Variants in DENND1A observed in about 807,000 individuals in gnomAD.
The protein encoded by DENND1A is DENN domain containing 1A, also known as DENN domain-containing protein 1A.
A neutral mutation model predicts 113.7 loss-of-function variants in DENND1A; 51 were observed. The ratio of observed to expected loss-of-function variants is 0.45; its 90% confidence interval spans 0.36 to 0.57. DENND1A has a LOEUF of 0.57. Among genes scored for constraint, DENND1A ranks in the 20% least tolerant of loss-of-function variants. The pLI is 0.00. For synonymous variants in DENND1A, 565 were observed against 570.8 expected (o/e 0.99, Z 0.14); for missense variants, 1,258 against 1,395.9 (o/e 0.90, Z 1.57).
chr9:123,818,567 C>CATAT (rs148656992), intron 2 of DENND1A, among the ~76,000 whole-genome samples: 27 of 42,056 alleles, frequency 6.4e-4, no homozygotes, highest in African/African-American at 1.1e-3. Flanking sequence ...CACACACACA[C>CATAT]ATATATATAT....
chr9:123,647,955 A>T (rs1274218759), intron 9 of DENND1A, among the ~76,000 whole-genome samples: 1 of 152,242 alleles, frequency 6.6e-6, no homozygotes, highest in East Asian at 1.9e-4. Context: ...TGATGGGCAT[A>T]CGTAAATAGT....
chr9:123,694,964 T>C (rs2065416914), intron 5 of DENND1A, among the ~76,000 whole-genome samples: 1 of 152,186 alleles, frequency 6.6e-6, no homozygotes, highest in African/African-American at 2.4e-5. Context: ...ACCCTTAATC[T>C]GGTGGGCACC....
chr9:123,903,362 GA>G (rs1029090460), intron 1 of DENND1A, among the ~76,000 whole-genome samples: 2 of 136,542 alleles, frequency 1.5e-5, no homozygotes, highest in African/African-American at 6.3e-5. Context: ...AAAAAAACTG[GA>G]AAAAAAGAAG....
chr9:123,881,525 A>G (rs890831945), intron 1 of DENND1A, among the ~76,000 whole-genome samples: 1 of 152,232 alleles, frequency 6.6e-6, no homozygotes, highest in Non-Finnish European at 1.5e-5. Flanking sequence ...AACAGCCTTC[A>G]AAGTGTGTTC....
At chr9:123,844,434 A>G (rs1842286516) in intron 2 of DENND1A, among the ~76,000 whole-genome samples, 1 of 152,206 alleles carries the variant, frequency 6.6e-6, no homozygotes, top group Admixed American at 6.5e-5. Context: ...ACAAAGAACA[A>G]TACAAAAATG....
At chr9:123,737,765 T>C (rs1011642411) in intron 5 of DENND1A, among the ~76,000 whole-genome samples, 1 of 152,180 alleles carries the variant, frequency 6.6e-6, no homozygotes, top group Non-Finnish European at 1.5e-5. Flanking sequence ...TAAGCAATGC[T>C]CATCTTTCAA....
At chr9:123,654,447 C>A (rs2062828801) in intron 8 of DENND1A, among the ~76,000 whole-genome samples, 1 of 151,986 alleles carries the variant, frequency 6.6e-6, no homozygotes, top group Non-Finnish European at 1.5e-5. Flanking sequence ...GCTTGCCGTC[C>A]AAATAGGGAG....
At chr9:123,477,024 A>G (rs1423302194) in intron 13 of DENND1A, among the ~76,000 whole-genome samples, 2 of 152,206 alleles carry the variant, frequency 1.3e-5, no homozygotes, top group African/African-American at 4.8e-5. Context: ...CCCTTGGCAC[A>G]GGCTCTATCT....
intron 19 of DENND1A, among the ~76,000 whole-genome samples, chr9:123,432,767 C>T (rs1171598459): frequency 6.6e-6 from 1 of 152,186 alleles, no homozygotes; most frequent in Non-Finnish European, 1.5e-5. Flanking sequence ...TACCTTCTGC[C>T]CCAACCTGCC....
chr9:123,923,097 C>T (rs554699444), intron 1 of DENND1A, among the ~76,000 whole-genome samples: 155 of 152,292 alleles, frequency 1.0e-3, no homozygotes, highest in Middle Eastern at 6.8e-3. Flanking sequence ...AAAGGCTGGA[C>T]CTTTGCAACT....
intron 5 of DENND1A, among the ~76,000 whole-genome samples, chr9:123,709,658 C>T (rs73665346): frequency 0.18 from 28,140 of 152,146 alleles, 2,806 homozygotes; most frequent in African/African-American, 0.27. Flanking sequence ...TACACCCTAA[C>T]GTCTGCAGGG....
intron 3 of DENND1A, among the ~76,000 whole-genome samples, chr9:123,784,459 T>C (rs1831803539): frequency 6.6e-6 from 1 of 152,012 alleles, no homozygotes; most frequent in Admixed American, 6.6e-5. Context: ...TTAGGAAAAA[T>C]AATGAACAGG....
chr9:123,476,419 A>C (rs1367939524), intron 13 of DENND1A, among the ~76,000 whole-genome samples: 1 of 152,130 alleles, frequency 6.6e-6, no homozygotes, highest in African/African-American at 2.4e-5. Flanking sequence ...ATGGTGTTCT[A>C]GTTCTAGCAC....
chr9:123,502,891 C>A (rs907833027), intron 13 of DENND1A, among the ~76,000 whole-genome samples: 2 of 152,184 alleles, frequency 1.3e-5, no homozygotes, highest in African/African-American at 4.8e-5. Flanking sequence ...CATTTCTGAG[C>A]AACATGAATA....
At chr9:123,873,268 G>A (rs1846935161) in intron 2 of DENND1A, among the ~76,000 whole-genome samples, 1 of 152,192 alleles carries the variant, frequency 6.6e-6, no homozygotes, top group Non-Finnish European at 1.5e-5. Context: ...TTCAGCTTGT[G>A]TACTCAAATT....
At chr9:123,893,512 C>T (rs1456670566) in intron 1 of DENND1A, among the ~76,000 whole-genome samples, 5 of 152,186 alleles carry the variant, frequency 3.3e-5, no homozygotes, top group Non-Finnish European at 7.3e-5. Flanking sequence ...CATGCCCCCA[C>T]ATTTTAGTCA....
intron 5 of DENND1A, among the ~76,000 whole-genome samples, chr9:123,696,461 A>G (rs1440758450): frequency 6.6e-6 from 1 of 152,240 alleles, no homozygotes; most frequent in Non-Finnish European, 1.5e-5. Context: ...AGTCATTTTT[A>G]AAGGTGGAGA....
chr9:123,829,734 T>C (rs1839904143), intron 2 of DENND1A, among the ~76,000 whole-genome samples: 1 of 152,180 alleles, frequency 6.6e-6, no homozygotes, highest in African/African-American at 2.4e-5. Context: ...AATTAAGACA[T>C]GTTTAATGGA....
chr9:123,841,912 G>A (rs1454030494), intron 2 of DENND1A, among the ~76,000 whole-genome samples: 1 of 152,146 alleles, frequency 6.6e-6, no homozygotes, highest in African/African-American at 2.4e-5. Context: ...TCAGTGGAAG[G>A]GGACCAGAGC....
Sources: gnomAD v4.1 joint callset for allele counts (sites outside exome capture counted in the v4.1 genomes callset) on GRCh38, gnomAD v4.1.1 for gene constraint, MANE v1.5 for transcripts, NCBI Gene and HGNC (gene_info 2026-07-23, HGNC 2026-07-21) for gene names.